The following MARCHF1 variants were observed in gnomAD, a reference collection of about 807,000 sequenced individuals.
The protein encoded by MARCHF1 is membrane associated ring-CH-type finger 1.
In MARCHF1, 40 loss-of-function variants were observed where a neutral mutation model predicts 54.2. The observed-to-expected ratio is 0.74, with a 90% CI of 0.57 to 0.96. The LOEUF is 0.96. Ranked by LOEUF, MARCHF1 falls within the 40% of genes least tolerant of loss-of-function variation. The pLI, the probability that MARCHF1 is intolerant of heterozygous loss-of-function variation, is 0.00. For synonymous variants in MARCHF1, 236 were observed against 236.3 expected, an observed-to-expected ratio of 1.00 and a Z score of 0.01; for missense variants, 586 against 656.5, an observed-to-expected ratio of 0.89 and a Z score of 1.17.
intron 3 of MARCHF1, among the ~76,000 whole-genome samples, chr4:163,953,438 A>C (rs1382186874): frequency 5.9e-4 from 90 of 152,172 alleles, no homozygotes; most frequent in Non-Finnish European, 5.9e-5. Context: ...AATATATAAA[A>C]TGCTGAACAC....
At chr4:163,709,104 A>G (rs991998677) in intron 4 of MARCHF1, among the ~76,000 whole-genome samples, 6 of 152,210 alleles carry the variant, frequency 3.9e-5, no homozygotes, top group African/African-American at 1.2e-4. Flanking sequence ...ATATATGTCT[A>G]CATATTTACA....
intron 1 of MARCHF1, among the ~76,000 whole-genome samples, chr4:164,265,670 C>A (rs1245594215): frequency 6.6e-6 from 1 of 152,034 alleles, no homozygotes; most frequent in African/African-American, 2.4e-5. Flanking sequence ...CCTGCTGAAG[C>A]CTGCTGCCTC....
intron 1 of MARCHF1, among the ~76,000 whole-genome samples, chr4:164,227,708 C>A (rs185261182): frequency 5.9e-5 from 9 of 152,068 alleles, no homozygotes; most frequent in Non-Finnish European, 1.3e-4. Flanking sequence ...TGTACCTACT[C>A]AATGTTGTTA....
At chr4:164,013,999 C>T (rs921831068) in intron 2 of MARCHF1, among the ~76,000 whole-genome samples, 1 of 151,778 alleles carries the variant, frequency 6.6e-6, no homozygotes, top group African/African-American at 2.4e-5. Flanking sequence ...CCATCCTGGT[C>T]AAAATGGTGA....
intron 5 of MARCHF1, among the ~76,000 whole-genome samples, chr4:163,683,852 A>T (rs866537543): frequency 6.6e-6 from 1 of 152,100 alleles, no homozygotes; most frequent in South Asian, 2.1e-4. Context: ...GTATCAGCTA[A>T]AAAGGATTGA....
At chr4:164,189,102 C>T (rs1439543622) in intron 1 of MARCHF1, 19 of 669,368 alleles carry the variant, frequency 2.8e-5, no homozygotes, top group Admixed American at 4.4e-5. Context: ...ATGGTGTCTT[C>T]GGAGTCGTGG....
intron 1 of MARCHF1, among the ~76,000 whole-genome samples, chr4:164,348,557 G>A (rs985283787): frequency 5.3e-5 from 8 of 152,234 alleles, no homozygotes; most frequent in Admixed American, 5.2e-4. Flanking sequence ...AGAACATACT[G>A]ATATTCTTTC....
intron 2 of MARCHF1, among the ~76,000 whole-genome samples, chr4:164,106,201 A>G (rs1755693710): frequency 1.4e-5 from 2 of 140,904 alleles, no homozygotes; most frequent in South Asian, 2.3e-4. Flanking sequence ...TGTGGAAGTC[A>G]GTGTGGCGAT....
At chr4:163,968,208 CTT>C (rs1303655997) in intron 3 of MARCHF1, among the ~76,000 whole-genome samples, 2 of 148,908 alleles carry the variant, frequency 1.3e-5, no homozygotes, top group Non-Finnish European at 3.0e-5. Flanking sequence ...CAGATAGCCT[CTT>C]GTTTGCTCAT....
chr4:163,739,645 C>T (rs1032046003), intron 4 of MARCHF1, among the ~76,000 whole-genome samples: 2 of 152,094 alleles, frequency 1.3e-5, no homozygotes, highest in Non-Finnish European at 2.9e-5. Context: ...ATGTGAAATT[C>T]GTTAACATGA....
intron 7 of MARCHF1, among the ~76,000 whole-genome samples, chr4:163,604,854 C>CTTACTTCTCATT (rs1212545360): frequency 1.8e-4 from 28 of 152,164 alleles, no homozygotes; most frequent in African/African-American, 6.5e-4. Context: ...TTGGCTTACT[C>CTTACTTCTCATT]TTACTTCTCA....
chr4:163,780,869 A>G (rs1033719754), intron 4 of MARCHF1, among the ~76,000 whole-genome samples: 1 of 152,118 alleles, frequency 6.6e-6, no homozygotes, highest in African/African-American at 2.4e-5. Context: ...AAAGAGTGCC[A>G]CCTCACACCT....
At chr4:163,737,613 T>A (rs191705982) in intron 4 of MARCHF1, among the ~76,000 whole-genome samples, 4 of 125,802 alleles carry the variant, frequency 3.2e-5, no homozygotes, top group African/African-American at 1.0e-4. Flanking sequence ...ATCCAGTCTA[T>A]CATTGTTGGA....
At chr4:163,827,675 A>T (rs375369779) in intron 4 of MARCHF1, among the ~76,000 whole-genome samples, 3 of 152,166 alleles carry the variant, frequency 2.0e-5, no homozygotes, top group Non-Finnish European at 4.4e-5. Context: ...TATTGCAGTC[A>T]ATGAAGTTAA....
chr4:163,718,832 C>A (rs1295942770), intron 4 of MARCHF1, among the ~76,000 whole-genome samples: 1 of 152,154 alleles, frequency 6.6e-6, no homozygotes, highest in Non-Finnish European at 1.5e-5. Context: ...TTAACTCCAA[C>A]CTCATGACTC....
chr4:164,303,413 C>G lies in MARCHF1; in HGVS notation c.-323+80457G>C, dbSNP rs1734615840. Among the ~76,000 whole-genome samples, 3 of 152,190 alleles carry G rather than the reference C, an allele frequency of 2.0e-5. No individual in the cohort carries two copies. The South Asian group carries it at 6.2e-4, about 31-fold the overall frequency. On this transcript the variant is annotated intron_variant, in intron 1 of 9. Transcript: ENST00000514618. ...GCAAAAGCACCAAAAGGAAAGGAAGCTAAACTATTGGACTAGCTTGGACAA... is the reference window on the plus strand; with the variant it reads ...GCAAAAGCACCAAAAGGAAAGGAAGGTAAACTATTGGACTAGCTTGGACAA...
intron 2 of MARCHF1, among the ~76,000 whole-genome samples, chr4:164,010,564 G>C (rs549327878): frequency 1.3e-5 from 2 of 151,756 alleles, no homozygotes; most frequent in Non-Finnish European, 2.9e-5. Flanking sequence ...TAAACTTAAA[G>C]AAATGAAAGA....
intron 1 of MARCHF1, among the ~76,000 whole-genome samples, chr4:164,314,842 T>C (rs529464401): frequency 6.6e-6 from 1 of 152,264 alleles, no homozygotes; most frequent in South Asian, 2.1e-4. Context: ...GACTTTTATG[T>C]TACTATATTA....
At chr4:164,370,474 C>A (rs2110955081) in intron 1 of MARCHF1, among the ~76,000 whole-genome samples, 1 of 152,326 alleles carries the variant, frequency 6.6e-6, no homozygotes, top group African/African-American at 2.4e-5. Context: ...TCTCACCAGT[C>A]TCCTGGTAGT....
Sources: allele counts gnomAD v4.1 joint callset (sites outside exome capture counted in the v4.1 genomes callset), GRCh38; gene constraint gnomAD v4.1.1; transcripts MANE v1.5; gene names NCBI Gene and HGNC (gene_info 2026-07-23, HGNC 2026-07-21).